MRLN: variants seen among roughly 807,000 people sequenced by gnomAD.
MRLN encodes the protein Linc-RNA activator of myogenesis.
chr10:59,740,804 CTTT>C (rs761731461), intron 1 of MRLN, among the ~76,000 whole-genome samples: 2 of 54,664 alleles, frequency 3.7e-5, no homozygotes, highest in African/African-American at 1.2e-4. Flanking sequence ...TTCTTTCTTT[CTTT>C]TTTTTTTGAG....
chr10:59,745,700 A>C (rs1012454712), intron 1 of MRLN, among the ~76,000 whole-genome samples: 1 of 150,198 alleles, frequency 6.7e-6, no homozygotes, highest in African/African-American at 2.5e-5. Context: ...TTCATTGCTT[A>C]TTAGATAGTT....
At position 59,750,062 on chromosome 10, in the gene MRLN, C is replaced by CTT. The variant is rs71006289; in HGVS notation, c.-125+3290_-125+3291dup. On this transcript the variant is annotated intron_variant, in intron 1 of 2. Coordinates refer to ENST00000414264, the MANE Select transcript of MRLN (RefSeq NM_001304731.2). ...CCTCCCTTGCTCTCTCTCTCTCTCT[C>CTT]TTTTTTTTTTTTTTTTTTTTTTTTT... Among the ~76,000 whole-genome samples, 53 of 58,880 alleles carry CTT rather than the reference C, an allele frequency of 9.0e-4. 1 individual carries two copies. The highest frequency in any genetic ancestry group is 1.1e-3 in the South Asian group (1 of 906). 38.6% of individuals were successfully genotyped at this position (58,880 alleles called of 152,430 possible). A position where few individuals can be genotyped will look rare whatever the true frequency, so the allele number is the denominator to read the frequency against.
intron 1 of MRLN, chr10:59,744,076 G>C (rs10403367): frequency 1.6e-4 from 28 of 173,336 alleles, no homozygotes; most frequent in Middle Eastern, 2.7e-3. Context: ...GCCTCTGCCC[G>C]GCCGCCACCC....
At chr10:59,753,092 CCTTT>C (rs1369556443) in intron 1 of MRLN, among the ~76,000 whole-genome samples, 2 of 152,116 alleles carry the variant, frequency 1.3e-5, no homozygotes, top group Non-Finnish European at 2.9e-5. Context: ...TCTCCTCCTG[CCTTT>C]ATTTAACCAA....
At chr10:59,748,878 A>G (rs1841069371) in intron 1 of MRLN, among the ~76,000 whole-genome samples, 1 of 152,264 alleles carries the variant, frequency 6.6e-6, no homozygotes, top group Non-Finnish European at 1.5e-5. Context: ...AGATCAAAGC[A>G]AATCACAAGT....
chr10:59,741,806 G>A (rs1344949062), intron 1 of MRLN, among the ~76,000 whole-genome samples: 1 of 152,146 alleles, frequency 6.6e-6, no homozygotes, highest in African/African-American at 2.4e-5. Context: ...CAGCTCCTGA[G>A]TAGCTACGGC....
intron 1 of MRLN, among the ~76,000 whole-genome samples, chr10:59,752,609 A>C (rs1217344034): frequency 6.6e-6 from 1 of 152,236 alleles, no homozygotes; most frequent in African/African-American, 2.4e-5. Flanking sequence ...TTGAACATAC[A>C]TAACCAAAGC....
chr10:59,740,590 G>A (rs1252963756), intron 1 of MRLN, among the ~76,000 whole-genome samples: 3 of 151,912 alleles, frequency 2.0e-5, no homozygotes, highest in African/African-American at 7.3e-5. Flanking sequence ...TAAAAATTTT[G>A]ATAGAAAAAA....
chr10:59,743,971 G>A (rs996205730), intron 1 of MRLN, among the ~76,000 whole-genome samples: 3 of 152,212 alleles, frequency 2.0e-5, no homozygotes, highest in Non-Finnish European at 2.9e-5. Flanking sequence ...AGTGCTCAAT[G>A]TTGCCCAGGC....
intron 1 of MRLN, among the ~76,000 whole-genome samples, chr10:59,740,854 A>G (rs985207392): frequency 1.3e-5 from 2 of 149,408 alleles, no homozygotes; most frequent in African/African-American, 2.5e-5. Flanking sequence ...CTGGAGTGCA[A>G]TGGCGCGATC....
intron 1 of MRLN, among the ~76,000 whole-genome samples, chr10:59,742,942 C>CT (rs1356460238): frequency 2.0e-5 from 3 of 151,774 alleles, no homozygotes; most frequent in Non-Finnish European, 4.4e-5. Flanking sequence ...ATTCCCCAGG[C>CT]TGGTCTTGAA....
intron 1 of MRLN, among the ~76,000 whole-genome samples, chr10:59,744,521 T>A (rs1361817231): frequency 1.4e-5 from 2 of 147,136 alleles, no homozygotes. Flanking sequence ...CCACCCCGTC[T>A]GGGAGGTGGG....
intron 1 of MRLN, among the ~76,000 whole-genome samples, chr10:59,750,362 C>G (rs370829515): frequency 1.2e-4 from 19 of 152,298 alleles, no homozygotes; most frequent in African/African-American, 4.6e-4. Context: ...TGAGCCATCA[C>G]GCCCAGCCCA....
At chr10:59,747,266 A>G (rs751205243) in intron 1 of MRLN, among the ~76,000 whole-genome samples, 10 of 152,196 alleles carry the variant, frequency 6.6e-5, no homozygotes, top group Non-Finnish European at 1.3e-4. Flanking sequence ...CTGCCAAGAC[A>G]TGGTGTTTGA....
chr10:59,749,757 C>T (rs1455611041), intron 1 of MRLN, among the ~76,000 whole-genome samples: 10 of 151,974 alleles, frequency 6.6e-5, no homozygotes, highest in Admixed American at 4.6e-4. Flanking sequence ...ATAAATAGTG[C>T]CTAGTTCAGT....
rs1012708509 is a variant in MRLN at position 59,736,978 on chromosome 10, G to A, written c.*82C>T. 1.0e-5 allele frequency: 4 copies of A among 383,014 alleles called. No homozygotes were observed. The highest frequency in any genetic ancestry group is 8.3e-5 in the African/African-American group (4 of 48,320). The allele number at this position is 383,014 out of a possible 1,614,324, so 23.7% of individuals were successfully genotyped here. ...GAATAAATTGGCAATGTCATAAAATGTGAGTCACTCAACAAGTTAAAATAC... is the reference window on the plus strand; with the variant it reads ...GAATAAATTGGCAATGTCATAAAATATGAGTCACTCAACAAGTTAAAATAC... On this transcript the variant is annotated 3_prime_UTR_variant, in exon 3 of 3. Transcript: ENST00000414264.
rs1035381084 is a variant in MRLN at position 59,736,855 on chromosome 10, G to GA, written c.*204dup. 1.2e-5 allele frequency: 3 copies of GA among 246,842 alleles called. No individual in the cohort carries two copies. The highest frequency in any genetic ancestry group is 7.0e-5 in the East Asian group (1 of 14,376). The allele number at this position is 246,842 out of a possible 1,614,324, so 15.3% of individuals were successfully genotyped here. The stretch of plus-strand genomic sequence containing the variant: ...ACTCAGTAGGATAGATGTTTTTGGG[G>GA]AAAAAAATTCACTTCAGTATATGTG... On this transcript the variant is annotated 3_prime_UTR_variant, in exon 3 of 3. Coordinates refer to ENST00000414264, the MANE Select transcript of MRLN (RefSeq NM_001304731.2).
At chr10:59,741,663 G>A (rs1275867524) in intron 1 of MRLN, among the ~76,000 whole-genome samples, 4 of 152,092 alleles carry the variant, frequency 2.6e-5, no homozygotes, top group African/African-American at 7.2e-5. Flanking sequence ...GGATTACAGA[G>A]GTGAGCCACC....
At chr10:59,743,697 G>A (rs952193064) in intron 1 of MRLN, among the ~76,000 whole-genome samples, 7 of 152,012 alleles carry the variant, frequency 4.6e-5, no homozygotes, top group Non-Finnish European at 8.8e-5. Context: ...TCTTTGCATG[G>A]TCTCCCTCTG....
Sources: allele counts gnomAD v4.1 joint callset (sites outside exome capture counted in the v4.1 genomes callset), GRCh38; gene constraint gnomAD v4.1.1; transcripts MANE v1.5; gene names NCBI Gene and HGNC (gene_info 2026-07-23, HGNC 2026-07-21).